The following SLX4IP variants were observed in gnomAD, a reference collection of about 807,000 sequenced individuals.
SLX4IP encodes the protein SLX4 interacting protein.
In SLX4IP, 34 loss-of-function variants were observed where a neutral mutation model predicts 32.9. That is an observed-to-expected ratio of 1.03 (90% CI 0.79 to 1.38). SLX4IP has a LOEUF of 1.38. SLX4IP is among the 40% of genes most tolerant of loss of function. The pLI, the probability that SLX4IP is intolerant of heterozygous loss-of-function variation, is 0.00. For missense variants in SLX4IP, 444 were observed against 479.0 expected (o/e 0.93, Z 0.68); for synonymous variants, 172 against 171.7 (o/e 1.00, Z -0.01).
chr20:10,526,358 G>A (rs1055650678), intron 2 of SLX4IP, among the ~76,000 whole-genome samples: 3 of 152,306 alleles, frequency 2.0e-5, no homozygotes, highest in Middle Eastern at 3.4e-3. Flanking sequence ...TTTTAGGCAG[G>A]TGTATGAGAA....
intron 2 of SLX4IP, among the ~76,000 whole-genome samples, chr20:10,529,843 GC>G (rs1568725907): frequency 6.6e-6 from 1 of 152,088 alleles, no homozygotes; most frequent in African/African-American, 2.4e-5. Context: ...AGTTTGGGAA[GC>G]ATTTTGAATC....
chr20:10,512,778 C>CTATATATATATATATATATATATA (rs57942782), intron 2 of SLX4IP, among the ~76,000 whole-genome samples: 1 of 25,640 alleles, frequency 3.9e-5, no homozygotes, highest in Admixed American at 4.9e-4. Flanking sequence ...CACACACACT[C>CTATATATATATATATATATATATA]TATATATATA....
intron 4 of SLX4IP, among the ~76,000 whole-genome samples, chr20:10,571,407 C>T (rs1273333526): frequency 3.9e-5 from 6 of 152,188 alleles, no homozygotes; most frequent in Non-Finnish European, 8.8e-5. Context: ...CATTGATCAG[C>T]TTGTCACTCT....
intron 2 of SLX4IP, among the ~76,000 whole-genome samples, chr20:10,542,835 T>C (rs2066121901): frequency 1.3e-5 from 2 of 152,202 alleles, no homozygotes; most frequent in Admixed American, 1.3e-4. Flanking sequence ...TTGTTTTGTT[T>C]CCCAGATCCA....
intron 2 of SLX4IP, among the ~76,000 whole-genome samples, chr20:10,490,844 A>G (rs1390184975): frequency 2.0e-5 from 3 of 152,066 alleles, no homozygotes; most frequent in Non-Finnish European, 4.4e-5. Flanking sequence ...GCCAGTTTGC[A>G]TTCATTCTTT....
intron 4 of SLX4IP, among the ~76,000 whole-genome samples, chr20:10,593,437 T>C (rs1264468802): frequency 1.3e-5 from 2 of 151,468 alleles, no homozygotes; most frequent in Non-Finnish European, 2.9e-5. Flanking sequence ...GCAACTGAGG[T>C]TAAAAAAAAA....
chr20:10,553,523 C>G (rs1316997356), intron 2 of SLX4IP, among the ~76,000 whole-genome samples: 1 of 152,162 alleles, frequency 6.6e-6, no homozygotes, highest in African/African-American at 2.4e-5. Flanking sequence ...TGGCTAAGAT[C>G]CTGTAGTTGT....
At chr20:10,618,482 G>T (rs1177459000) in intron 6 of SLX4IP, among the ~76,000 whole-genome samples, 2 of 152,190 alleles carry the variant, frequency 1.3e-5, no homozygotes, top group Non-Finnish European at 2.9e-5. Flanking sequence ...GATATTTGTA[G>T]AATTTTATTC....
At chr20:10,437,112 A>G (rs2065121878) in intron 1 of SLX4IP, among the ~76,000 whole-genome samples, 1 of 151,862 alleles carries the variant, frequency 6.6e-6, no homozygotes. Flanking sequence ...CTGTCTTCCC[A>G]TTTTATTTTA....
chr20:10,477,898 C>A (rs1420109391), intron 2 of SLX4IP, among the ~76,000 whole-genome samples: 1 of 129,852 alleles, frequency 7.7e-6, no homozygotes, highest in Non-Finnish European at 1.6e-5. Context: ...TACAATCTCC[C>A]TTTTTTTTTT....
intron 4 of SLX4IP, among the ~76,000 whole-genome samples, chr20:10,592,603 A>G (rs1009031037): frequency 4.1e-5 from 6 of 146,854 alleles, no homozygotes; most frequent in African/African-American, 1.5e-4. Context: ...AATAGCTTGA[A>G]AGCACACGTA....
intron 1 of SLX4IP, among the ~76,000 whole-genome samples, chr20:10,452,762 G>T (rs1001326228): frequency 6.6e-6 from 1 of 151,026 alleles, no homozygotes; most frequent in African/African-American, 2.4e-5. Flanking sequence ...GAGGCAGGAG[G>T]ATCGCTTCAG....
chr20:10,551,512 T>C (rs916688421), intron 2 of SLX4IP, among the ~76,000 whole-genome samples: 1 of 152,194 alleles, frequency 6.6e-6, no homozygotes, highest in African/African-American at 2.4e-5. Context: ...TCATTAAATA[T>C]TAAGTATTCA....
At chr20:10,575,578 T>C (rs755885074) in intron 4 of SLX4IP, among the ~76,000 whole-genome samples, 2 of 148,618 alleles carry the variant, frequency 1.3e-5, no homozygotes, top group Middle Eastern at 3.4e-3. Context: ...CTGCTTCTCA[T>C]AGGAGTAACA....
chr20:10,502,515 C>T (rs558333065), intron 2 of SLX4IP, among the ~76,000 whole-genome samples: 1 of 152,342 alleles, frequency 6.6e-6, no homozygotes, highest in African/African-American at 2.4e-5. Flanking sequence ...CACTTTCAAC[C>T]TCACAGGACT....
At chr20:10,500,427 A>G (rs2065707952) in intron 2 of SLX4IP, among the ~76,000 whole-genome samples, 3 of 151,962 alleles carry the variant, frequency 2.0e-5, no homozygotes, top group Non-Finnish European at 4.4e-5. Flanking sequence ...CTGATGTGTT[A>G]AAGTTCTATG....
At chr20:10,493,653 G>A (rs1490450149) in intron 2 of SLX4IP, among the ~76,000 whole-genome samples, 2 of 151,864 alleles carry the variant, frequency 1.3e-5, no homozygotes, top group Non-Finnish European at 2.9e-5. Context: ...AATGCAATGT[G>A]AATAGAAGAT....
At chr20:10,445,933 CTTTTT>C (rs749557514) in intron 1 of SLX4IP, among the ~76,000 whole-genome samples, 141 of 60,704 alleles carry the variant, frequency 2.3e-3, no homozygotes, top group African/African-American at 6.0e-3. Context: ...GCTGAGATTG[CTTTTT>C]TTTTTTTTTT....
Position 10,623,245 on chromosome 20 carries a change from C to A in SLX4IP, c.1093C>A (p.Leu365Ile). The change falls in exon 8 of 8, where the codon CTC becomes ATC. Residue 365 changes from leucine to isoleucine, a missense_variant. Leu to Ile is a conservative substitution (Grantham distance 5, BLOSUM62 2). Coordinates refer to ENST00000334534, the MANE Select transcript of SLX4IP (RefSeq NM_001009608.3). ...SKEELHVLES[L>I]SSRHLMKNNP... is the part of the protein sequence containing the mutation. The stretch of plus-strand genomic sequence containing the variant: ...GGAAGAGTTGCATGTTTTGGAAAGT[C>A]TCTCCTCCAGACATCTTATGAAAAA... 1 of 1,614,206 alleles carries A rather than the reference C, an allele frequency of 6.2e-7. No individual in the cohort carries two copies. Among genetic ancestry groups the A allele is most frequent in the Non-Finnish European group, 8.5e-7 (1 of 1,180,032 alleles).
Sources: gnomAD v4.1 joint callset for allele counts (sites outside exome capture counted in the v4.1 genomes callset) on GRCh38, gnomAD v4.1.1 for gene constraint, MANE v1.5 for transcripts, NCBI Gene and HGNC (gene_info 2026-07-23, HGNC 2026-07-21) for gene names.